The following LRP1B variants were observed in gnomAD, a reference collection of about 807,000 sequenced individuals.
LRP1B encodes LDL receptor related protein 1B.
In LRP1B, 217 loss-of-function variants were observed where a neutral mutation model predicts 556.6. The ratio of observed to expected loss-of-function variants is 0.39; its 90% CI spans 0.35 to 0.44. The LOEUF is 0.44. Ranked by LOEUF, LRP1B falls within the 20% of genes least tolerant of loss-of-function variation. LRP1B has a pLI of 1.00. For synonymous variants in LRP1B, 2,047 were observed against 1,865.8 expected (o/e 1.10, Z -2.50); for missense variants, 5,053 against 5,620.8 (o/e 0.90, Z 3.23).
chr2:141,807,573 C>T (rs62155394), intron 2 of LRP1B, among the ~76,000 whole-genome samples: 10,373 of 152,138 alleles, frequency 0.068, 494 homozygotes, highest in Non-Finnish European at 0.1. Context: ...TATATTTAAA[C>T]AACTGCCAAG....
intron 2 of LRP1B, among the ~76,000 whole-genome samples, chr2:141,584,213 C>G (rs148411313): frequency 6.6e-6 from 1 of 151,638 alleles, no homozygotes; most frequent in Non-Finnish European, 1.5e-5. Context: ...CCACTGCCCT[C>G]CAGTCTGGGT....
intron 1 of LRP1B, among the ~76,000 whole-genome samples, chr2:141,921,214 C>T (rs115244226): frequency 0.018 from 2,787 of 152,020 alleles, 37 homozygotes; most frequent in Non-Finnish European, 0.028. Context: ...TGCATTTTAA[C>T]GGCATGCTTT....
chr2:140,558,471 A>G (rs1427945314), intron 43 of LRP1B, among the ~76,000 whole-genome samples: 1 of 152,204 alleles, frequency 6.6e-6, no homozygotes, highest in African/African-American at 2.4e-5. Context: ...TGAAAATATT[A>G]TTCCAATTAA....
intron 41 of LRP1B, among the ~76,000 whole-genome samples, chr2:140,632,054 T>C (rs906353471): frequency 6.6e-6 from 1 of 152,196 alleles, no homozygotes; most frequent in African/African-American, 2.4e-5. Flanking sequence ...GTATACACTA[T>C]ATTACTCAAA....
At chr2:141,974,271 T>C (rs1273426670) in intron 1 of LRP1B, among the ~76,000 whole-genome samples, 1 of 151,948 alleles carries the variant, frequency 6.6e-6, no homozygotes, top group African/African-American at 2.4e-5. Context: ...GACCCTCTAC[T>C]AGTCAGACAC....
intron 1 of LRP1B, among the ~76,000 whole-genome samples, chr2:141,884,739 A>T (rs1230180653): frequency 6.6e-6 from 1 of 152,218 alleles, no homozygotes; most frequent in East Asian, 1.9e-4. Context: ...CGATGTGGAT[A>T]GTCTTCCTCA....
chr2:141,079,535 G>T (rs1375128836), intron 7 of LRP1B, among the ~76,000 whole-genome samples: 1 of 152,146 alleles, frequency 6.6e-6, no homozygotes. Context: ...TTATATTTGA[G>T]CACACTATAA....
intron 3 of LRP1B, among the ~76,000 whole-genome samples, chr2:141,428,374 A>G (rs1316826244): frequency 1.3e-5 from 2 of 152,164 alleles, no homozygotes; most frequent in East Asian, 3.9e-4. Flanking sequence ...TTAAGATCTA[A>G]TGCTCCCATG....
At position 140,697,663 on chromosome 2, in the gene LRP1B, G is replaced by A. The variant is rs143328878; in HGVS notation, c.6799+2587C>T. 4.1e-3 allele frequency among the ~76,000 whole-genome samples: 624 copies of A among 152,018 alleles called. 4 individuals carry two copies. The highest frequency in any genetic ancestry group is 0.013 in the African/African-American group (548 of 41,480). ...CATGGATGCACCTTGAAAACACTATGCTAAGTGAAACAAGCCAGGCGCAAA... is the reference window on the plus strand; with the variant it reads ...CATGGATGCACCTTGAAAACACTATACTAAGTGAAACAAGCCAGGCGCAAA... On this transcript the variant is annotated intron_variant, in intron 41 of 90. Transcript: ENST00000389484.
chr2:141,694,768 AAATGGC>A (rs949972719), intron 2 of LRP1B, among the ~76,000 whole-genome samples: 3 of 152,074 alleles, frequency 2.0e-5, no homozygotes, highest in Non-Finnish European at 4.4e-5. Context: ...AGGAGCTACC[AAATGGC>A]AATGGATGAG....
intron 6 of LRP1B, among the ~76,000 whole-genome samples, chr2:141,194,623 A>G (rs1289487912): frequency 6.6e-6 from 1 of 152,138 alleles, no homozygotes; most frequent in African/African-American, 2.4e-5. Flanking sequence ...CTGCAACCAT[A>G]TTGGACCAAG....
intron 35 of LRP1B, among the ~76,000 whole-genome samples, chr2:140,730,830 T>C (rs867523281): frequency 5.9e-5 from 9 of 152,088 alleles, no homozygotes; most frequent in South Asian, 2.1e-4. Context: ...TTGCTGAGAT[T>C]ACAAGCGTGA....
chr2:141,342,854 A>C (rs1688121595), intron 3 of LRP1B, among the ~76,000 whole-genome samples: 2 of 152,182 alleles, frequency 1.3e-5, no homozygotes, highest in Admixed American at 6.5e-5. Context: ...CAACATTCAA[A>C]TTCAGGAAAT....
chr2:140,649,070 G>A (rs1684584093), intron 41 of LRP1B, among the ~76,000 whole-genome samples: 1 of 151,980 alleles, frequency 6.6e-6, no homozygotes, highest in East Asian at 1.9e-4. Context: ...TGTAATTCAG[G>A]CCAATATTTA....
At chr2:141,595,984 T>C (rs974739818) in intron 2 of LRP1B, among the ~76,000 whole-genome samples, 4 of 152,074 alleles carry the variant, frequency 2.6e-5, no homozygotes, top group Admixed American at 2.0e-4. Flanking sequence ...TCTATAGTTA[T>C]TGAAATAGTG....
In LRP1B at chr2:140,678,293, T is replaced by C. The variant is rs74677649; in HGVS notation, c.6799+21957A>G. 1.9e-3 allele frequency among the ~76,000 whole-genome samples: 295 copies of C among 152,222 alleles called. 6 individuals are homozygous for C. The East Asian group carries it at 0.049, about 25-fold the overall frequency. ...GGGATTATATATGTAAATCTGTGTGTTTGTGTGCTTTTTCTCTCATAAAAT... is the reference window on the plus strand; with the variant it reads ...GGGATTATATATGTAAATCTGTGTGCTTGTGTGCTTTTTCTCTCATAAAAT... On this transcript the variant is annotated intron_variant, in intron 41 of 90. Coordinates refer to ENST00000389484, the MANE Select transcript of LRP1B (RefSeq NM_018557.3).
In LRP1B at chr2:140,562,183, AG is replaced by A. The variant is rs1209103653; in HGVS notation, c.7195-20213del. 6.6e-4 allele frequency among the ~76,000 whole-genome samples: 100 copies of A among 152,304 alleles called. 1 individual carries two copies. Among genetic ancestry groups the A allele is most frequent in the African/African-American group, 2.3e-3 (94 of 41,574 alleles). ...ATATATTTTCAAAGTTACTTTTAAA[AG>A]TTTAGTGACTTTATCTTATATAAAT... On this transcript the variant is annotated intron_variant, in intron 43 of 90. Transcript: ENST00000389484.
chr2:141,385,162 T>C (rs1346491018), intron 3 of LRP1B, among the ~76,000 whole-genome samples: 1 of 152,170 alleles, frequency 6.6e-6, no homozygotes, highest in Non-Finnish European at 1.5e-5. Context: ...ATGTTATAGA[T>C]GTTAATTGTA....
chr2:141,749,409 G>C (rs1189399228), intron 2 of LRP1B, among the ~76,000 whole-genome samples: 1 of 152,100 alleles, frequency 6.6e-6, no homozygotes. Flanking sequence ...CAAGAGTGCT[G>C]TCTGATTTGC....
Sources: allele counts gnomAD v4.1 joint callset (sites outside exome capture counted in the v4.1 genomes callset), GRCh38; gene constraint gnomAD v4.1.1; transcripts MANE v1.5; gene names NCBI Gene and HGNC (gene_info 2026-07-23, HGNC 2026-07-21).